Variants in IFT81 observed in about 807,000 individuals in gnomAD.
IFT81 encodes the protein intraflagellar transport protein 81 homolog.
Under a neutral mutation model 102.6 loss-of-function variants are expected in IFT81, and 72 were observed. The observed-to-expected ratio is 0.70, with a 90% CI of 0.58 to 0.85. IFT81 has a LOEUF of 0.85. Among genes scored for constraint, IFT81 ranks in the 40% least tolerant of loss-of-function variants. The pLI, the probability that IFT81 is intolerant of heterozygous loss-of-function variation, is 0.00. For missense variants in IFT81, 723 were observed against 787.3 expected (o/e 0.92, Z 0.98); for synonymous variants, 237 against 242.7 (o/e 0.98, Z 0.22).
chr12:110,218,062 A>C lies in IFT81; in HGVS notation c.1867A>C (p.Lys623Gln). The C allele has an allele frequency of 6.2e-7, 1 of 1,600,326 alleles. No homozygotes were observed. The stretch of plus-strand genomic sequence containing the variant: ...ATGATAGAAACTTCGGGAAAAACAA[A>C]AAGTTATACGAGAAAGTCATGGTCC... Reference protein sequence around the residue: ...NLGKKLREKQKVIRESHGPNM... With the variant: ...NLGKKLREKQQVIRESHGPNM... Residue 623 changes from lysine (K) to glutamine (Q), a missense_variant, in exon 19 of 19, where the codon AAA becomes CAA. Lys to Gln is a moderately conservative substitution (Grantham distance 53). Transcript: ENST00000242591.
At chr12:110,212,358 A>G (rs942329124) in intron 18 of IFT81, among the ~76,000 whole-genome samples, 1 of 152,006 alleles carries the variant, frequency 6.6e-6, no homozygotes, top group African/African-American at 2.4e-5. Flanking sequence ...CAGTCTGGCC[A>G]ACATGGTGAA....
intron 5 of IFT81, among the ~76,000 whole-genome samples, chr12:110,133,190 T>C (rs915753829): frequency 2.0e-5 from 3 of 152,054 alleles, no homozygotes; most frequent in Non-Finnish European, 2.9e-5. Context: ...CGGGTTGGTC[T>C]TGACCTCCTG....
chr12:110,216,396 T>C (rs538534784), intron 18 of IFT81: 1 of 412,718 alleles, frequency 2.4e-6, no homozygotes, highest in Non-Finnish European at 4.7e-6. Context: ...CAGAGTATCA[T>C]GTTACCCAGG....
chr12:110,141,658 T>A (rs1894899647), intron 8 of IFT81, among the ~76,000 whole-genome samples: 2 of 152,102 alleles, frequency 1.3e-5, no homozygotes, highest in South Asian at 2.1e-4. Flanking sequence ...GGCAGGCGGA[T>A]CACTTGAGGT....
Position 110,163,866 on chromosome 12 carries a change from G to A in IFT81, c.1188+801G>A, listed in dbSNP as rs534811035. On this transcript the variant is annotated intron_variant, in intron 11 of 18. Coordinates refer to ENST00000242591, the MANE Select transcript of IFT81 (RefSeq NM_014055.4). ...CCTCACCTCATGATCTGCCCGCCTC[G>A]GCCTCCCAGAGTGCTGGGATTACAG... Among the ~76,000 whole-genome samples, 1,055 of 151,768 alleles carry A rather than the reference G, an allele frequency of 7.0e-3. 1 individual carries two copies. Among genetic ancestry groups the A allele is most frequent in the Non-Finnish European group, 9.5e-3 (644 of 67,896 alleles).
At chr12:110,208,402 A>T (rs1191044194) in intron 17 of IFT81, among the ~76,000 whole-genome samples, 3 of 152,114 alleles carry the variant, frequency 2.0e-5, no homozygotes, top group Non-Finnish European at 4.4e-5. Context: ...AGTATCTGGG[A>T]GGCTAAAGTG....
In IFT81 at chr12:110,137,008, C is replaced by T. The variant is rs747892887; in HGVS notation, c.781+148C>T. 3 of 541,170 alleles carry T rather than the reference C, an allele frequency of 5.5e-6. No homozygotes were observed. The African/African-American group carries it at 5.8e-5, about 10-fold the overall frequency. 33.5% of individuals were successfully genotyped at this position (541,170 alleles called of 1,614,324 possible). A position where few individuals can be genotyped will look rare whatever the true frequency, so the allele number is the denominator to read the frequency against. Reference sequence around the variant, plus strand: ...TCATTTCCTAGCTGGAGAAGGAGAGCCCTGATAAAGACATCCCTGGGTTTT... The same window carrying T: ...TCATTTCCTAGCTGGAGAAGGAGAGTCCTGATAAAGACATCCCTGGGTTTT... On this transcript the variant is annotated intron_variant, in intron 8 of 18. Coordinates refer to ENST00000242591, the MANE Select transcript of IFT81 (RefSeq NM_014055.4).
At chr12:110,132,288 C>T (rs573779769) in intron 4 of IFT81, among the ~76,000 whole-genome samples, 28 of 151,720 alleles carry the variant, frequency 1.8e-4, no homozygotes, top group Non-Finnish European at 3.4e-4. Context: ...GGTGAAACCC[C>T]GTCTCTACTA....
At chr12:110,213,229 C>G (rs1015004870) in intron 18 of IFT81, among the ~76,000 whole-genome samples, 1 of 152,070 alleles carries the variant, frequency 6.6e-6, no homozygotes, top group Non-Finnish European at 1.5e-5. Context: ...TCTTAAGTCT[C>G]TCTTTCTCCA....
At chr12:110,172,418 G>C (rs534100233) in intron 11 of IFT81, among the ~76,000 whole-genome samples, 3 of 151,756 alleles carry the variant, frequency 2.0e-5, no homozygotes, top group African/African-American at 4.8e-5. Flanking sequence ...CTCTTTCCAC[G>C]GTCTCCCTCT....
At chr12:110,210,243 C>CTCT (rs1869228582) in intron 18 of IFT81, among the ~76,000 whole-genome samples, 2 of 152,146 alleles carry the variant, frequency 1.3e-5, no homozygotes, top group Non-Finnish European at 2.9e-5. Context: ...TAAACAAGCC[C>CTCT]TCTAATCACT....
intron 5 of IFT81, among the ~76,000 whole-genome samples, chr12:110,134,158 G>A (rs571379814): frequency 5.3e-5 from 8 of 152,218 alleles, no homozygotes; most frequent in Middle Eastern, 3.4e-3. Context: ...TTGCCACCAC[G>A]CCTGGCTAGT....
chr12:110,181,555 CAT>C (rs1897314201), intron 12 of IFT81, among the ~76,000 whole-genome samples: 1 of 152,130 alleles, frequency 6.6e-6, no homozygotes, highest in African/African-American at 2.4e-5. Flanking sequence ...GTAATTGTTT[CAT>C]GTGCAGTGAA....
At chr12:110,201,532 G>A (rs1160823151) in intron 14 of IFT81, among the ~76,000 whole-genome samples, 1 of 152,142 alleles carries the variant, frequency 6.6e-6, no homozygotes, top group East Asian at 1.9e-4. Context: ...CCGGCCTCAA[G>A]CAGCTCTCTC....
chr12:110,173,831 A>G (rs1309814223), intron 11 of IFT81, among the ~76,000 whole-genome samples: 1 of 152,004 alleles, frequency 6.6e-6, no homozygotes, highest in East Asian at 1.9e-4. Flanking sequence ...ACACTGCGGA[A>G]GGCCTCAGGG....
intron 10 of IFT81, among the ~76,000 whole-genome samples, chr12:110,161,233 C>T (rs759151071): frequency 6.7e-6 from 1 of 149,016 alleles, no homozygotes; most frequent in Non-Finnish European, 1.5e-5. Context: ...CTCTGCCTCC[C>T]AGGTTCAAGG....
chr12:110,215,026 A>T (rs1271319136), intron 18 of IFT81, among the ~76,000 whole-genome samples: 3 of 152,150 alleles, frequency 2.0e-5, no homozygotes, highest in Non-Finnish European at 4.4e-5. Flanking sequence ...TTATATTTTT[A>T]AAATTCTGTG....
intron 10 of IFT81, among the ~76,000 whole-genome samples, chr12:110,155,375 A>G (rs903921324): frequency 1.3e-5 from 2 of 151,978 alleles, no homozygotes; most frequent in African/African-American, 4.8e-5. Context: ...CAATGGCGCG[A>G]TCTCAGCTCA....
At chr12:110,163,575 T>G (rs1045808676) in intron 11 of IFT81, among the ~76,000 whole-genome samples, 1 of 151,584 alleles carries the variant, frequency 6.6e-6, no homozygotes, top group African/African-American at 2.4e-5. Flanking sequence ...ATGGCAGATA[T>G]GTTAATGATT....
Sources: allele counts gnomAD v4.1 joint callset (sites outside exome capture counted in the v4.1 genomes callset), GRCh38; gene constraint gnomAD v4.1.1; transcripts MANE v1.5; gene names NCBI Gene and HGNC (gene_info 2026-07-23, HGNC 2026-07-21).